Variants in CCSER1 observed in about 807,000 individuals in gnomAD.
CCSER1 encodes the protein coiled-coil serine rich protein 1.
Under a neutral mutation model 82.0 loss-of-function variants are expected in CCSER1, and 41 were observed. That is an observed-to-expected ratio of 0.50 (90% CI 0.39 to 0.65). The LOEUF is 0.65. Ranked by LOEUF, CCSER1 falls within the 30% of genes least tolerant of loss-of-function variation. CCSER1 has a pLI of 0.00. For synonymous variants in CCSER1, 414 were observed against 383.9 expected (o/e 1.08, Z -0.92); for missense variants, 1,119 against 1,064.2 (o/e 1.05, Z -0.72).
At chr4:91,022,301 C>A (rs921220565) in intron 9 of CCSER1, among the ~76,000 whole-genome samples, 3 of 151,946 alleles carry the variant, frequency 2.0e-5, no homozygotes, top group Non-Finnish European at 4.4e-5. Context: ...TGGTTTCCAG[C>A]TTCATCCATG....
chr4:91,134,434 A>G (rs1728279619), intron 10 of CCSER1, among the ~76,000 whole-genome samples: 1 of 151,654 alleles, frequency 6.6e-6, no homozygotes, highest in South Asian at 2.1e-4. Flanking sequence ...AAAAAAAACA[A>G]AAACAAACAA....
At chr4:90,917,434 T>A (rs1727648473) in intron 8 of CCSER1, among the ~76,000 whole-genome samples, 1 of 152,134 alleles carries the variant, frequency 6.6e-6, no homozygotes, top group Non-Finnish European at 1.5e-5. Context: ...AAACACCGCA[T>A]GTTCTCACTC....
In CCSER1 at chr4:90,784,483, C is replaced by G. The variant is rs564023311; in HGVS notation, c.2011-31279C>G. On this transcript the variant is annotated intron_variant, in intron 7 of 10. Transcript: ENST00000509176. ...AAATGATGTGTTCTAATTCACATCT[C>G]TAGTTGGTTTTGATAAGTCTGGAGC... Among the ~76,000 whole-genome samples, 15 of 152,246 alleles carry G rather than the reference C, an allele frequency of 9.9e-5. 1 individual carries two copies. In the South Asian group the frequency reaches 1.7e-3, roughly 17 times the overall value.
At position 90,331,036 on chromosome 4, in the gene CCSER1, T is replaced by C. The variant is rs528181754; in HGVS notation, c.1509+17989T>C. ...TTTTGTAAAACAATATAAAATACAG[T>C]GATTTATAAATTTTGGTACTATAGC... On this transcript the variant is annotated intron_variant, in intron 3 of 10. Transcript: ENST00000509176. Among the ~76,000 whole-genome samples, 740 of 152,106 alleles carry C rather than the reference T, an allele frequency of 4.9e-3. 6 individuals are homozygous for C. Among genetic ancestry groups the C allele is most frequent in the Middle Eastern group, 0.048 (14 of 294 alleles).
intron 5 of CCSER1, among the ~76,000 whole-genome samples, chr4:90,594,348 A>C (rs929833062): frequency 6.6e-6 from 1 of 152,040 alleles, no homozygotes; most frequent in Non-Finnish European, 1.5e-5. Flanking sequence ...GCTTCTTGCC[A>C]CTCATAATTT....
chr4:91,465,147 C>G (rs1756799942), intron 10 of CCSER1, among the ~76,000 whole-genome samples: 1 of 152,170 alleles, frequency 6.6e-6, no homozygotes, highest in Admixed American at 6.5e-5. Context: ...GAAATTATAA[C>G]AAACTGTCTC....
intron 1 of CCSER1, among the ~76,000 whole-genome samples, chr4:90,292,871 A>C (rs1207905287): frequency 6.6e-6 from 1 of 151,954 alleles, no homozygotes; most frequent in African/African-American, 2.4e-5. Flanking sequence ...ACACACACAG[A>C]CACAGAAATA....
chr4:91,291,625 A>G (rs900366093), intron 10 of CCSER1, among the ~76,000 whole-genome samples: 1 of 151,958 alleles, frequency 6.6e-6, no homozygotes, highest in African/African-American at 2.4e-5. Flanking sequence ...AGATCTCATG[A>G]AGAACTCGCT....
At chr4:91,230,843 A>G (rs1158922788) in intron 10 of CCSER1, among the ~76,000 whole-genome samples, 1 of 151,926 alleles carries the variant, frequency 6.6e-6, no homozygotes, top group Non-Finnish European at 1.5e-5. Flanking sequence ...ATGACCAAAA[A>G]TTATACTTAA....
chr4:90,547,633 C>G (rs868735637), intron 5 of CCSER1, among the ~76,000 whole-genome samples: 1 of 151,932 alleles, frequency 6.6e-6, no homozygotes, highest in Non-Finnish European at 1.5e-5. Context: ...ATTCTGAATT[C>G]GAGAAAGCAT....
chr4:90,829,237 G>C (rs116017152), intron 8 of CCSER1, among the ~76,000 whole-genome samples: 2,526 of 152,202 alleles, frequency 0.017, 35 homozygotes, highest in Non-Finnish European at 0.024. Context: ...GAAGTGCTAA[G>C]ATCATCTGCT....
chr4:90,418,088 T>A (rs909181715), intron 4 of CCSER1, among the ~76,000 whole-genome samples: 3 of 152,128 alleles, frequency 2.0e-5, no homozygotes, highest in African/African-American at 7.2e-5. Flanking sequence ...CCAGGCTATG[T>A]AAACTTGAGC....
intron 9 of CCSER1, among the ~76,000 whole-genome samples, chr4:91,042,831 G>A (rs929677278): frequency 6.6e-6 from 1 of 152,142 alleles, no homozygotes; most frequent in African/African-American, 2.4e-5. Flanking sequence ...AAATGATCTT[G>A]AAAAATCTAT....
At chr4:91,473,972 C>T (rs139375182) in intron 10 of CCSER1, among the ~76,000 whole-genome samples, 7 of 152,108 alleles carry the variant, frequency 4.6e-5, no homozygotes, top group East Asian at 3.9e-4. Flanking sequence ...AATCATTTTT[C>T]GAGAATATAA....
intron 8 of CCSER1, among the ~76,000 whole-genome samples, chr4:90,918,654 T>TATATATATA (rs1561363101): frequency 2.0e-5 from 3 of 151,318 alleles, no homozygotes; most frequent in Non-Finnish European, 4.4e-5. Context: ...TATATATATA[T>TATATATATA]TAGTAATAAA....
chr4:91,435,912 G>T (rs1326291344), intron 10 of CCSER1, among the ~76,000 whole-genome samples: 3 of 152,150 alleles, frequency 2.0e-5, no homozygotes, highest in Non-Finnish European at 2.9e-5. Flanking sequence ...ATTACAACTG[G>T]AACGCAACAT....
intron 5 of CCSER1, among the ~76,000 whole-genome samples, chr4:90,483,650 A>G (rs1054769555): frequency 3.3e-5 from 5 of 152,190 alleles, no homozygotes. Flanking sequence ...TTGGCTGGAT[A>G]TGAAATTCTG....
At chr4:91,047,984 A>C (rs575965408) in intron 9 of CCSER1, among the ~76,000 whole-genome samples, 251 of 152,178 alleles carry the variant, frequency 1.6e-3, no homozygotes, top group African/African-American at 5.8e-3. Context: ...TTCTTTGAGT[A>C]TAAATTTATT....
chr4:90,566,037 T>TG (rs1321399290), intron 5 of CCSER1, among the ~76,000 whole-genome samples: 1 of 151,544 alleles, frequency 6.6e-6, no homozygotes, highest in African/African-American at 2.4e-5. Flanking sequence ...TTTGTATTTT[T>TG]TTTTTTTTTT....
Sources: gnomAD v4.1 joint callset for allele counts (sites outside exome capture counted in the v4.1 genomes callset) on GRCh38, gnomAD v4.1.1 for gene constraint, MANE v1.5 for transcripts, NCBI Gene and HGNC (gene_info 2026-07-23, HGNC 2026-07-21) for gene names.